ADAM32: variants seen among roughly 807,000 people sequenced by gnomAD.
ADAM32 encodes ADAM metallopeptidase domain 32.
Under a neutral mutation model 114.9 loss-of-function variants are expected in ADAM32, and 89 were observed. That is an observed-to-expected ratio of 0.77 (90% confidence interval 0.65 to 0.92). The LOEUF is 0.92. ADAM32 is among the 40% of genes least tolerant of loss of function. The pLI is 0.00. For synonymous variants in ADAM32, 285 were observed against 307.5 expected, an observed-to-expected ratio of 0.93 and a Z score of 0.77; for missense variants, 870 against 932.8, an observed-to-expected ratio of 0.93 and a Z score of 0.88.
chr8:39,188,696 G>A (rs1806408720), intron 11 of ADAM32, among the ~76,000 whole-genome samples: 2 of 152,180 alleles, frequency 1.3e-5, no homozygotes, highest in East Asian at 1.9e-4. Flanking sequence ...ATTACTTATG[G>A]TCAGATGGCT....
chr8:39,226,122 C>T (rs1585585719), intron 14 of ADAM32, among the ~76,000 whole-genome samples: 1 of 151,890 alleles, frequency 6.6e-6, no homozygotes, highest in African/African-American at 2.4e-5. Context: ...ATATCAACAA[C>T]AGAATTCACA....
chr8:39,129,954 CCTT>C, intron 2 of ADAM32: 10 of 222,498 alleles, frequency 4.5e-5, no homozygotes, highest in African/African-American at 1.7e-4. Flanking sequence ...CATCACATTT[CCTT>C]TTTTTTTTTT....
chr8:39,121,342 A>ACATGATG lies in ADAM32; in HGVS notation c.138+3181_138+3182insATGCATG, dbSNP rs1264179953. 2.0e-5 allele frequency among the ~76,000 whole-genome samples: 3 copies of ACATGATG among 152,272 alleles called. No individual in the cohort carries two copies. In the East Asian group the frequency reaches 5.8e-4, roughly 29 times the overall value. The stretch of plus-strand genomic sequence containing the variant: ...GGACGATAGAGTTGTCTGGCTTCAA[A>ACATGATG]CATGCATCATTCTTCACAAACACCG... On this transcript the variant is annotated intron_variant, in intron 2 of 24. Transcript: ENST00000379907.
In ADAM32 at chr8:39,151,538, T is replaced by G. The variant is rs1803827152; in HGVS notation, c.515T>G (p.Ile172Arg). 1 of 1,565,410 alleles carries G rather than the reference T, an allele frequency of 6.4e-7. No individual in the cohort carries two copies. The highest frequency in any genetic ancestry group is 1.4e-5 in the African/African-American group (1 of 72,116). Residue 172 changes from isoleucine to arginine, a missense_variant, in exon 6 of 25, where the codon ATA (isoleucine) becomes AGA (arginine). Physicochemically the swap from Ile to Arg is moderately conservative, Grantham distance 97. Transcript: ENST00000379907. ...CAACCAATGGATGACAACATTTTTA[T>G]AAGTGAAAAAGTGAGTTGTATATGT... ...KEQPMDDNIF[I>R]SEKSEPAVPD...
chr8:39,233,757 T>C (rs1424661948), intron 15 of ADAM32, 142 bp from the exon 16 acceptor site: 9 of 522,656 alleles, frequency 1.7e-5, no homozygotes, highest in African/African-American at 2.0e-5. Context: ...TTTTACTTTG[T>C]TACCGTGAAA....
intron 24 of ADAM32, among the ~76,000 whole-genome samples, 165 bp downstream of exon 24, chr8:39,283,789 T>TA: frequency 6.6e-6 from 1 of 150,754 alleles, no homozygotes; most frequent in Admixed American, 6.6e-5. Flanking sequence ...TTTTTTTTTT[T>TA]TTAAGACAGA....
At chr8:39,160,733 C>T (rs1804454396) in intron 6 of ADAM32, among the ~76,000 whole-genome samples, 164 bp from the exon 7 acceptor site, 1 of 152,074 alleles carries the variant, frequency 6.6e-6, no homozygotes. Flanking sequence ...TACTTGAGTA[C>T]ATTGCCATAA....
intron 1 of ADAM32, among the ~76,000 whole-genome samples, chr8:39,112,526 G>C (rs1242544918): frequency 6.6e-6 from 1 of 152,192 alleles, no homozygotes; most frequent in African/African-American, 2.4e-5. Context: ...AGACAACGTA[G>C]CCTTTCAGTC....
intron 19 of ADAM32, among the ~76,000 whole-genome samples, chr8:39,260,230 C>A (rs554380093): frequency 4.6e-5 from 7 of 152,254 alleles, no homozygotes; most frequent in Non-Finnish European, 1.0e-4. Flanking sequence ...ACTCCCTTAG[C>A]AAATGTCAAG....
chr8:39,164,958 C>T (rs905316916), intron 8 of ADAM32, 72 bp from the exon 9 acceptor site: 3 of 1,513,724 alleles, frequency 2.0e-6, no homozygotes. Context: ...ATTGTAAAAA[C>T]TTTGAATTTC....
intron 12 of ADAM32, chr8:39,220,868 G>T (rs1808912682): frequency 6.6e-6 from 1 of 151,632 alleles, no homozygotes; most frequent in East Asian, 1.9e-4. Context: ...ACTTGCTAAT[G>T]AAAATAATAT....
At chr8:39,107,899 AGCCCGGG>A in intron 1 of ADAM32, 66 bp downstream of exon 1, 3 of 1,456,764 alleles carry the variant, frequency 2.1e-6, no homozygotes, top group Non-Finnish European at 2.7e-6. Context: ...CTCCCTGCAA[AGCCCGGG>A]GCCCTCCCTG....
chr8:39,136,041 A>T (rs1802779818), intron 2 of ADAM32, among the ~76,000 whole-genome samples: 1 of 151,974 alleles, frequency 6.6e-6, no homozygotes, highest in South Asian at 2.1e-4. Context: ...TATATGTTTT[A>T]ACTAATTTTT....
rs1197931994 is a variant in ADAM32, at chr8:39,275,727, G to C, written c.2241-101G>C. The C allele has an allele frequency of 1.3e-5, 15 of 1,145,310 alleles. No individual in the cohort carries two copies. In the African/African-American group the frequency reaches 2.4e-4, roughly 18 times the overall value. 70.9% of individuals were successfully genotyped at this position (1,145,310 alleles called of 1,614,324 possible). A position where few individuals can be genotyped will look rare whatever the true frequency, so the allele number is the denominator to read the frequency against. ...TTCAGTGGTGATTCTTGGTAGAGAA[G>C]AATTAACACAGGTTGTAAAATGATC... On this transcript the variant is annotated intron_variant, in intron 21 of 24. Coordinates refer to ENST00000379907, the MANE Select transcript of ADAM32 (RefSeq NM_145004.7).
At chr8:39,194,382 A>T (rs10111728) in intron 11 of ADAM32, among the ~76,000 whole-genome samples, 7 of 152,054 alleles carry the variant, frequency 4.6e-5, no homozygotes, top group African/African-American at 1.7e-4. Context: ...GGGGTACACC[A>T]ATGCTGGCAG....
chr8:39,246,608 T>A (rs1250941870), intron 17 of ADAM32, among the ~76,000 whole-genome samples: 1 of 152,202 alleles, frequency 6.6e-6, no homozygotes, highest in African/African-American at 2.4e-5. Flanking sequence ...ATTTTCCATA[T>A]ATCCACTCAT....
chr8:39,223,282 T>G, intron 14 of ADAM32, 44 bp downstream of exon 14: 4 of 1,332,772 alleles, frequency 3.0e-6, no homozygotes, highest in Non-Finnish European at 4.0e-6. Context: ...AACATTGTTA[T>G]TAACATTACC....
intron 6 of ADAM32, 23 bp from the exon 7 acceptor site, chr8:39,160,873 AT>A (rs773771882): frequency 1.3e-6 from 2 of 1,548,796 alleles, no homozygotes; most frequent in African/African-American, 2.7e-5. Flanking sequence ...TTCATGTATT[AT>A]ATGCTGTTTT....
chr8:39,281,748 T>G (rs978655294), intron 23 of ADAM32, among the ~76,000 whole-genome samples: 6 of 152,216 alleles, frequency 3.9e-5, no homozygotes, highest in Admixed American at 1.3e-4. Context: ...GTGATCCTTC[T>G]GAAGTTATCA....
Sources: allele counts gnomAD v4.1 joint callset (sites outside exome capture counted in the v4.1 genomes callset), GRCh38; gene constraint gnomAD v4.1.1; transcripts MANE v1.5; gene names NCBI Gene and HGNC (gene_info 2026-07-23, HGNC 2026-07-21).